NTM: variants seen among roughly 807,000 people sequenced by gnomAD.
The protein encoded by NTM is IgLON family member 2.
Under a neutral mutation model 42.1 loss-of-function variants are expected in NTM, and 13 were observed. The observed-to-expected ratio is 0.31, with a 90% CI of 0.20 to 0.49. The LOEUF (loss-of-function observed/expected upper bound fraction) is 0.49, where lower values mean the gene tolerates loss of function less well. Ranked by LOEUF, NTM falls within the 20% of genes least tolerant of loss-of-function variation. The pLI, the probability that NTM is intolerant of heterozygous loss-of-function variation, is 0.99. For synonymous variants in NTM, 187 were observed against 179.2 expected, an observed-to-expected ratio of 1.04 and a Z score of -0.35; for missense variants, 373 against 452.8, an observed-to-expected ratio of 0.82 and a Z score of 1.60.
chr11:131,994,997 C>A (rs2067727112), intron 2 of NTM, among the ~76,000 whole-genome samples: 1 of 152,220 alleles, frequency 6.6e-6, no homozygotes, highest in African/African-American at 2.4e-5. Flanking sequence ...ATTTATGCTG[C>A]CACTGTGGTA....
intron 1 of NTM, among the ~76,000 whole-genome samples, chr11:131,411,218 T>C (rs1194840696): frequency 6.6e-6 from 1 of 152,196 alleles, no homozygotes; most frequent in Non-Finnish European, 1.5e-5. Flanking sequence ...TGGAAGTCCA[T>C]GTGCATCACT....
chr11:131,974,928 TA>T (rs1172268029), intron 2 of NTM, among the ~76,000 whole-genome samples: 8 of 152,302 alleles, frequency 5.3e-5, no homozygotes, highest in African/African-American at 1.9e-4. Flanking sequence ...ACAAATGTCC[TA>T]AATTATGCCT....
intron 2 of NTM, among the ~76,000 whole-genome samples, chr11:131,955,993 G>A (rs2061518218): frequency 6.6e-6 from 1 of 152,192 alleles, no homozygotes; most frequent in Non-Finnish European, 1.5e-5. Flanking sequence ...GCTGAGTAGA[G>A]GTACTTCCTT....
intron 1 of NTM, chr11:131,660,312 T>C (rs1565387767): frequency 2.8e-6 from 1 of 359,424 alleles, no homozygotes; most frequent in Non-Finnish European, 5.6e-6. Context: ...GAAAGACAGA[T>C]GCTGCAGGAT....
chr11:131,554,115 T>G (rs1178839575), intron 1 of NTM, among the ~76,000 whole-genome samples: 1 of 152,238 alleles, frequency 6.6e-6, no homozygotes, highest in Non-Finnish European at 1.5e-5. Context: ...CTTAGGTTTG[T>G]TTAGTTCTTA....
intron 1 of NTM, among the ~76,000 whole-genome samples, chr11:131,517,121 C>T (rs1394897467): frequency 1.3e-5 from 2 of 152,196 alleles, no homozygotes; most frequent in Non-Finnish European, 2.9e-5. Context: ...ATCACAATGT[C>T]TGACTTCTCA....
chr11:131,619,027 G>A (rs771677800), intron 1 of NTM, among the ~76,000 whole-genome samples: 11 of 152,194 alleles, frequency 7.2e-5, no homozygotes, highest in Non-Finnish European at 1.0e-4. Flanking sequence ...TGCTAGGCTC[G>A]AGAGGTATGC....
At chr11:131,507,527 C>A (rs1387649719) in intron 1 of NTM, among the ~76,000 whole-genome samples, 1 of 152,146 alleles carries the variant, frequency 6.6e-6, no homozygotes, top group African/African-American at 2.4e-5. Context: ...TTAGGATTGA[C>A]TTGGTGATGC....
At chr11:131,503,975 C>T (rs1302737189) in intron 1 of NTM, among the ~76,000 whole-genome samples, 2 of 152,176 alleles carry the variant, frequency 1.3e-5, no homozygotes, top group African/African-American at 4.8e-5. Flanking sequence ...TGCTTTAAGG[C>T]CAGGCGGGTC....
At chr11:131,570,996 A>C (rs1194251637) in intron 1 of NTM, among the ~76,000 whole-genome samples, 1 of 152,238 alleles carries the variant, frequency 6.6e-6, no homozygotes, top group Non-Finnish European at 1.5e-5. Flanking sequence ...GCAGCATGGC[A>C]GTGCAGAGTG....
At chr11:131,670,665 C>T (rs1307346608) in intron 1 of NTM, among the ~76,000 whole-genome samples, 2 of 152,278 alleles carry the variant, frequency 1.3e-5, no homozygotes, top group East Asian at 1.9e-4. Flanking sequence ...GCCTGACAGT[C>T]GAGGGCTAGG....
intron 1 of NTM, among the ~76,000 whole-genome samples, chr11:131,896,652 T>C (rs1306993172): frequency 3.3e-5 from 5 of 151,714 alleles, no homozygotes; most frequent in African/African-American, 1.2e-4. Context: ...TATCTGTGTT[T>C]ACATGCCAAA....
intron 1 of NTM, among the ~76,000 whole-genome samples, chr11:131,735,137 G>A (rs2080245469): frequency 6.6e-6 from 1 of 152,220 alleles, no homozygotes; most frequent in Non-Finnish European, 1.5e-5. Context: ...TTGCAAGGCG[G>A]AGGGGGGAAA....
At chr11:131,632,323 C>T (rs1217363618) in intron 1 of NTM, among the ~76,000 whole-genome samples, 10 of 152,100 alleles carry the variant, frequency 6.6e-5, no homozygotes, top group Non-Finnish European at 1.0e-4. Flanking sequence ...CCCTTGTGCC[C>T]GTCTTTTATT....
intron 1 of NTM, among the ~76,000 whole-genome samples, chr11:131,524,188 T>TTCGCTC (rs2050147014): frequency 6.6e-6 from 1 of 152,184 alleles, no homozygotes; most frequent in African/African-American, 2.4e-5. Context: ...CCAAGACAGC[T>TTCGCTC]TCGCTCTCAC....
At chr11:131,438,207 C>T (rs1949310443) in intron 1 of NTM, among the ~76,000 whole-genome samples, 1 of 152,162 alleles carries the variant, frequency 6.6e-6, no homozygotes, top group African/African-American at 2.4e-5. Context: ...TCTGGCTGCC[C>T]TTAAAATTTT....
intron 1 of NTM, among the ~76,000 whole-genome samples, chr11:131,735,122 A>G (rs1387914665): frequency 6.6e-6 from 1 of 152,182 alleles, no homozygotes; most frequent in Non-Finnish European, 1.5e-5. Flanking sequence ...CCTGCCAAAA[A>G]CGTGTTGCAA....
rs912611443 is a variant in NTM at position 132,128,155 on chromosome 11, T to A, written c.168-18127T>A. Among the ~76,000 whole-genome samples the A allele has an allele frequency of 3.9e-5, 6 of 152,080 alleles. No homozygotes were observed. In the South Asian group the frequency reaches 1.2e-3, roughly 31 times the overall value. On this transcript the variant is annotated intron_variant, in intron 2 of 8. Coordinates refer to ENST00000683400, the MANE Select transcript of NTM (RefSeq NM_001352005.2). ...CAGGACGCTGGAGAGGAGAAGCACA[T>A]GGCAGTGGTATAGGATGGTTTGCTT... is the stretch of plus-strand genomic sequence containing the variant.
chr11:131,549,849 C>T (rs1305575871), intron 1 of NTM, among the ~76,000 whole-genome samples: 1 of 152,214 alleles, frequency 6.6e-6, no homozygotes, highest in Non-Finnish European at 1.5e-5. Context: ...GATTAACATC[C>T]TAACACTTAG....
Sources: allele counts gnomAD v4.1 joint callset (sites outside exome capture counted in the v4.1 genomes callset), GRCh38; gene constraint gnomAD v4.1.1; transcripts MANE v1.5; gene names NCBI Gene and HGNC (gene_info 2026-07-23, HGNC 2026-07-21).